Variants in EFCAB7 observed in about 807,000 individuals in gnomAD.
EFCAB7 encodes EF-hand calcium binding domain 7.
Under a neutral mutation model 77.1 loss-of-function variants are expected in EFCAB7, and 66 were observed. The observed-to-expected ratio is 0.86, with a 90% CI of 0.70 to 1.05. The LOEUF is 1.05. EFCAB7 is among the 50% of genes least tolerant of loss of function. EFCAB7 has a pLI of 0.00. For synonymous variants in EFCAB7, 225 were observed against 243.3 expected (o/e 0.92, Z 0.70); for missense variants, 638 against 730.5 (o/e 0.87, Z 1.46).
chr1:63,551,602 AC>A (rs763608698), intron 7 of EFCAB7, 122 bp from the exon 8 acceptor site: 8 of 442,858 alleles, frequency 1.8e-5, no homozygotes, highest in East Asian at 3.9e-5. Context: ...AAAAAAAAAA[AC>A]ATGGAATATG....
chr1:63,567,662 A>G (rs1647185789), intron 11 of EFCAB7, among the ~76,000 whole-genome samples: 1 of 152,120 alleles, frequency 6.6e-6, no homozygotes, highest in African/African-American at 2.4e-5. Context: ...AACACTACGT[A>G]TGAAGGGCTT....
intron 2 of EFCAB7, among the ~76,000 whole-genome samples, chr1:63,526,649 T>C (rs1202546327): frequency 1.3e-5 from 2 of 152,236 alleles, no homozygotes; most frequent in East Asian, 3.8e-4. Context: ...ATGACTGACT[T>C]TTAAAGTCAT....
chr1:63,524,919 GAACAC>G (rs1313694714), intron 1 of EFCAB7, among the ~76,000 whole-genome samples: 1 of 152,094 alleles, frequency 6.6e-6, no homozygotes, highest in African/African-American at 2.4e-5. Flanking sequence ...ATTAATAAAG[GAACAC>G]AGTAAAACTA....
intron 2 of EFCAB7, chr1:63,527,914 C>T (rs1484025510): frequency 6.6e-6 from 1 of 152,110 alleles, no homozygotes; most frequent in Non-Finnish European, 1.5e-5. Context: ...ATATAATTTT[C>T]TTTCATGTGG....
intron 10 of EFCAB7, among the ~76,000 whole-genome samples, chr1:63,560,688 T>G (rs1647088209): frequency 6.6e-6 from 1 of 151,896 alleles, no homozygotes; most frequent in Non-Finnish European, 1.5e-5. Context: ...GCTAATTTTA[T>G]TTTTTGTATT....
chr1:63,574,251 G>A (rs768392088), downstream of EFCAB7, among the ~76,000 whole-genome samples: 2 of 152,166 alleles, frequency 1.3e-5, no homozygotes, highest in Non-Finnish European at 2.9e-5. Flanking sequence ...ATTTCCTTGA[G>A]GGTAGAGTCC....
At chr1:63,542,076 T>C (rs1646835898) in intron 6 of EFCAB7, among the ~76,000 whole-genome samples, 1 of 152,186 alleles carries the variant, frequency 6.6e-6, no homozygotes, top group Non-Finnish European at 1.5e-5. Context: ...TCTGGAACTC[T>C]ATTCATTAAA....
intron 6 of EFCAB7, among the ~76,000 whole-genome samples, chr1:63,542,505 T>C (rs546138682): frequency 6.6e-6 from 1 of 152,348 alleles, no homozygotes; most frequent in Non-Finnish European, 1.5e-5. Context: ...AATTCTAGAT[T>C]TGCTTTTTTG....
intron 12 of EFCAB7, chr1:63,569,621 A>G (rs531500547): frequency 8.5e-5 from 13 of 152,394 alleles, no homozygotes; most frequent in Middle Eastern, 6.8e-3. Flanking sequence ...AAGGGTATAT[A>G]TGAAGTATAA....
intron 3 of EFCAB7, 73 bp downstream of exon 3, chr1:63,532,104 A>T: frequency 9.3e-7 from 1 of 1,079,978 alleles, no homozygotes; most frequent in South Asian, 1.4e-5. Context: ...TGACTACCAA[A>T]GTCCACATTA....
chr1:63,568,203 A>T, intron 11 of EFCAB7, 107 bp from the exon 12 acceptor site: 1 of 958,100 alleles, frequency 1.0e-6, no homozygotes, highest in Non-Finnish European at 1.5e-6. Flanking sequence ...AAAGTTTATT[A>T]GAAGGACAAG....
chr1:63,559,817 C>T (rs1283259138), intron 10 of EFCAB7, among the ~76,000 whole-genome samples: 1 of 152,170 alleles, frequency 6.6e-6, no homozygotes, highest in African/African-American at 2.4e-5. Context: ...GCTCCTTTGT[C>T]AAATATCAGT....
intron 7 of EFCAB7, among the ~76,000 whole-genome samples, chr1:63,546,878 C>T (rs1365865105): frequency 6.6e-6 from 1 of 152,046 alleles, no homozygotes; most frequent in Non-Finnish European, 1.5e-5. Context: ...GATAAAAATA[C>T]TTTTCTAGTG....
At chr1:63,554,727 CAG>C (rs2100909257) in intron 8 of EFCAB7, among the ~76,000 whole-genome samples, 1 of 152,264 alleles carries the variant, frequency 6.6e-6, no homozygotes, top group South Asian at 2.1e-4. Context: ...TGATAGGAAA[CAG>C]AATTTCATAT....
chr1:63,551,828 T>C lies in EFCAB7; in HGVS notation c.1050T>C (p.Asn350=). 6.4e-7 allele frequency: 1 copy of C among 1,566,800 alleles called. No individual in the cohort carries two copies. Among genetic ancestry groups the C allele is most frequent in the Admixed American group, 1.8e-5 (1 of 54,716 alleles). Residue 350 remains asparagine (N), a synonymous_variant, in exon 8 of 14, where the codon AAT becomes AAC. Coordinates refer to ENST00000371088, the MANE Select transcript of EFCAB7 (RefSeq NM_032437.4). ...TTGTGTGTTTTACCGAACTACGAAA[T>C]AGAGAAGTATACATATTTATTTTCT... The part of the protein sequence containing the change: ...LQLVCFTELR[N]REVFGWTGEL...
chr1:63,551,606 G>T, intron 7 of EFCAB7, 119 bp from the exon 8 acceptor site: 8 of 414,618 alleles, frequency 1.9e-5, no homozygotes, highest in East Asian at 8.3e-5. Flanking sequence ...AAAAAAACAT[G>T]GAATATGTAT....
Position 63,553,241 on chromosome 1 carries a change from G to A in EFCAB7, c.1056+1407G>A, listed in dbSNP as rs145000930. Among the ~76,000 whole-genome samples the A allele has an allele frequency of 3.2e-3, 486 of 152,306 alleles. 2 individuals carry two copies. Among genetic ancestry groups the A allele is most frequent in the African/African-American group, 0.011 (466 of 41,564 alleles). ...AGGATCATGGGATAATATATATTAGGAAGCAGCAAGATCTGGTTTTTCACT... is the reference window on the plus strand; with the variant it reads ...AGGATCATGGGATAATATATATTAGAAAGCAGCAAGATCTGGTTTTTCACT... On this transcript the variant is annotated intron_variant, in intron 8 of 13. Transcript: ENST00000371088.
intron 7 of EFCAB7, chr1:63,550,392 A>AGTTTAAGT (rs1646950801): frequency 6.6e-6 from 1 of 152,164 alleles, no homozygotes; most frequent in African/African-American, 2.4e-5. Context: ...GATTATAACT[A>AGTTTAAGT]TACAGTAGTT....
intron 2 of EFCAB7, among the ~76,000 whole-genome samples, chr1:63,528,340 A>G (rs1465838462): frequency 6.6e-6 from 1 of 152,226 alleles, no homozygotes; most frequent in Non-Finnish European, 1.5e-5. Context: ...ACAGAAAGGC[A>G]AACATCACAC....
Sources: allele counts gnomAD v4.1 joint callset (sites outside exome capture counted in the v4.1 genomes callset), GRCh38; gene constraint gnomAD v4.1.1; transcripts MANE v1.5; gene names NCBI Gene and HGNC (gene_info 2026-07-23, HGNC 2026-07-21).